Variants in PHACTR3 observed in about 807,000 individuals in gnomAD.
The protein encoded by PHACTR3 is phosphatase and actin regulator 3, also known as protein phosphatase 1, regulatory subunit 123.
PHACTR3 carries 16 observed loss-of-function variants against 66.8 expected under a neutral mutation model. The observed-to-expected ratio is 0.24, with a 90% confidence interval of 0.16 to 0.36. The LOEUF (loss-of-function observed/expected upper bound fraction) is 0.36, where lower values mean the gene tolerates loss of function less well. PHACTR3 is among the 10% of genes least tolerant of loss of function. PHACTR3 has a pLI of 1.00. For missense variants in PHACTR3, 647 were observed against 719.9 expected (o/e 0.90, Z 1.16); for synonymous variants, 323 against 292.1 (o/e 1.11, Z -1.08).
chr20:59,807,272 A>C (rs2041597403), intron 8 of PHACTR3, among the ~76,000 whole-genome samples: 1 of 152,180 alleles, frequency 6.6e-6, no homozygotes, highest in Non-Finnish European at 1.5e-5. Flanking sequence ...TATATTTTTC[A>C]ATTTTTTAAC....
intron 3 of PHACTR3, among the ~76,000 whole-genome samples, chr20:59,748,437 CTGATCTCT>C (rs2061412776): frequency 6.6e-6 from 1 of 152,198 alleles, no homozygotes; most frequent in African/African-American, 2.4e-5. Flanking sequence ...AGAACAAATC[CTGATCTCT>C]TGGTCTCTGG....
At chr20:59,721,855 C>T (rs944534328) in intron 1 of PHACTR3, among the ~76,000 whole-genome samples, 15 of 151,222 alleles carry the variant, frequency 9.9e-5, no homozygotes, top group African/African-American at 3.4e-4. Flanking sequence ...ACAAAGTCCC[C>T]GTTCTCAAGG....
intron 1 of PHACTR3, among the ~76,000 whole-genome samples, chr20:59,720,430 G>A (rs900764793): frequency 6.6e-6 from 1 of 152,180 alleles, no homozygotes; most frequent in Admixed American, 6.5e-5. Flanking sequence ...TACTGGGGGG[G>A]CACTTGCTGG....
chr20:59,750,976 T>G (rs1156771746), intron 3 of PHACTR3, among the ~76,000 whole-genome samples: 3 of 152,234 alleles, frequency 2.0e-5, no homozygotes, highest in Non-Finnish European at 4.4e-5. Context: ...GGTCAGACCC[T>G]GTCTGTCCCT....
upstream of PHACTR3, among the ~76,000 whole-genome samples, chr20:59,599,699 A>ACAAAG (rs1424457412): frequency 6.6e-6 from 1 of 152,096 alleles, no homozygotes; most frequent in Admixed American, 6.5e-5. Context: ...ACAAAACAAA[A>ACAAAG]CAAAACAAAA....
intron 1 of PHACTR3, among the ~76,000 whole-genome samples, chr20:59,594,749 C>A (rs1027540827): frequency 1.3e-5 from 2 of 152,082 alleles, no homozygotes; most frequent in African/African-American, 4.8e-5. Context: ...CTTTTGGTTT[C>A]ATTGATTTTC....
At chr20:59,767,139 T>C (rs1402482625) in intron 4 of PHACTR3, 47 bp from the exon 5 acceptor site, 2 of 1,585,842 alleles carry the variant, frequency 1.3e-6, no homozygotes, top group African/African-American at 1.3e-5. Flanking sequence ...CTTCCACTGC[T>C]GTCAGAGGAA....
At chr20:59,726,995 T>C (rs1184823291) in intron 1 of PHACTR3, among the ~76,000 whole-genome samples, 1 of 152,184 alleles carries the variant, frequency 6.6e-6, no homozygotes, top group Non-Finnish European at 1.5e-5. Flanking sequence ...CTCTGTGCAG[T>C]GAGTGCAGTC....
chr20:59,671,892 A>G (rs2036206713), intron 1 of PHACTR3, among the ~76,000 whole-genome samples: 1 of 152,240 alleles, frequency 6.6e-6, no homozygotes, highest in South Asian at 2.1e-4. Context: ...TTACCTGTGT[A>G]TCCAGCCTGG....
intron 2 of PHACTR3, among the ~76,000 whole-genome samples, chr20:59,745,852 A>C (rs1433443422): frequency 6.6e-6 from 1 of 152,036 alleles, no homozygotes; most frequent in Admixed American, 6.5e-5. Context: ...CGAGAGGGGG[A>C]GGGTAGAGCC....
At chr20:59,627,722 C>CTGTGTATCTATGTATGTATCTATG (rs1275381291) in intron 1 of PHACTR3, among the ~76,000 whole-genome samples, 3 of 152,146 alleles carry the variant, frequency 2.0e-5, no homozygotes, top group African/African-American at 7.2e-5. Flanking sequence ...TAGGAAGCGT[C>CTGTGTATCTATGTATGTATCTATG]TGTGTATCTA....
chr20:59,695,292 G>A (rs1237749663), intron 1 of PHACTR3, among the ~76,000 whole-genome samples: 4 of 152,186 alleles, frequency 2.6e-5, no homozygotes, highest in Admixed American at 6.5e-5. Context: ...GGATTCTAGG[G>A]GTGGATTTCC....
At chr20:59,773,827 T>C (rs1299848869) in intron 6 of PHACTR3, among the ~76,000 whole-genome samples, 2 of 152,174 alleles carry the variant, frequency 1.3e-5, no homozygotes, top group Non-Finnish European at 2.9e-5. Flanking sequence ...TGGGCAAGAG[T>C]GTAAGGCAGC....
chr20:59,829,021 G>A lies in PHACTR3; in HGVS notation c.1329-7484G>A, dbSNP rs962253184. Among the ~76,000 whole-genome samples, 73 of 152,080 alleles carry A rather than the reference G, an allele frequency of 4.8e-4. 1 individual carries two copies. The highest frequency in any genetic ancestry group is 1.3e-4 in the Admixed American group (2 of 15,276). On this transcript the variant is annotated intron_variant, in intron 8 of 12. Transcript: ENST00000371015. The surrounding 1 kb of genome is among the most constrained non-coding windows in gnomAD (Gnocchi z 4.2). ...AGCTTCCTGGGGTGTTGGACGTAGG[G>A]AGTAAGAGGAGCCAGTTCTCCCAGG...
chr20:59,717,780 A>G (rs887975340), intron 1 of PHACTR3, among the ~76,000 whole-genome samples: 5 of 152,260 alleles, frequency 3.3e-5, no homozygotes, highest in African/African-American at 1.2e-4. Context: ...TTCCTCCAGA[A>G]TGGCATTTTT....
chr20:59,635,645 G>T (rs59353615), intron 1 of PHACTR3, among the ~76,000 whole-genome samples: 15 of 152,320 alleles, frequency 9.8e-5, no homozygotes, highest in Non-Finnish European at 1.6e-4. Flanking sequence ...CATGAAGAAG[G>T]AAGTTAAGAT....
At position 59,580,792 on chromosome 20, in the gene PHACTR3, C is replaced by T. The variant is rs1290156046; in HGVS notation, c.109+3175C>T. Among the ~76,000 whole-genome samples, 5 of 152,158 alleles carry T rather than the reference C, an allele frequency of 3.3e-5. 1 individual carries two copies. The highest frequency in any genetic ancestry group is 1.3e-4 in the Admixed American group (2 of 15,286). The stretch of plus-strand genomic sequence containing the variant: ...AGATTGGGTCTGGAGTTGCCCAATT[C>T]TTTTGAAATCTTAATGACAACCAGC... On this transcript the variant is annotated intron_variant, in intron 1 of 12. Transcript: ENST00000359926.
chr20:59,621,079 C>T (rs369657467), intron 1 of PHACTR3, among the ~76,000 whole-genome samples: 1 of 152,212 alleles, frequency 6.6e-6, no homozygotes. Context: ...GTGCTCCCAT[C>T]ATTGTCTGAG....
rs111067177 is a variant in PHACTR3 at position 59,674,817 on chromosome 20, C to T, written c.119-68290C>T. 8.0e-3 allele frequency among the ~76,000 whole-genome samples: 265 copies of T among 33,054 alleles called. 11 individuals carry two copies. The highest frequency in any genetic ancestry group is 0.023 in the African/African-American group (73 of 3,218). The allele number at this position is 33,054 out of a possible 152,430, so 21.7% of individuals were successfully genotyped here. On this transcript the variant is annotated intron_variant, in intron 1 of 12. Coordinates refer to ENST00000371015, the MANE Select transcript of PHACTR3 (RefSeq NM_080672.5). ...TTCTCCTCTTCCCACCTTCTCCTGT[C>T]CCCCACTTCTCCTGTTTCTGCCTTC...
Sources: allele counts gnomAD v4.1 joint callset (sites outside exome capture counted in the v4.1 genomes callset), GRCh38; gene constraint gnomAD v4.1.1; non-coding constraint Gnocchi (gnomAD v3.1); transcripts MANE v1.5; gene names NCBI Gene and HGNC (gene_info 2026-07-23, HGNC 2026-07-21).